Variants in NDUFAB1 observed in about 807,000 individuals in gnomAD.
NDUFAB1 encodes the protein acyl carrier protein, mitochondrial.
Under a neutral mutation model 16.1 loss-of-function variants are expected in NDUFAB1, and 5 were observed. That is an observed-to-expected ratio of 0.31 (90% confidence interval 0.16 to 0.65). The LOEUF (loss-of-function observed/expected upper bound fraction) is 0.65, where lower values mean the gene tolerates loss of function less well. Among genes scored for constraint, NDUFAB1 ranks in the 30% least tolerant of loss-of-function variants. NDUFAB1 has a pLI of 0.77. For missense variants in NDUFAB1, 187 were observed against 205.3 expected (o/e 0.91, Z 0.54); for synonymous variants, 85 against 78.4 (o/e 1.08, Z -0.44).
intron 3 of NDUFAB1, 23 bp from the exon 4 acceptor site, chr16:23,582,398 T>C: frequency 3.9e-6 from 6 of 1,526,502 alleles, no homozygotes; most frequent in South Asian, 1.3e-5. Context: ...TATACAACAA[T>C]GTGAGAGAGT....
At chr16:23,591,639 T>C (rs2142237799) in intron 1 of NDUFAB1, among the ~76,000 whole-genome samples, 1 of 152,278 alleles carries the variant, frequency 6.6e-6, no homozygotes, top group African/African-American at 2.4e-5. Context: ...TTGCAGAGAA[T>C]ACCCACAATT....
chr16:23,592,483 T>C (rs1281983293), intron 1 of NDUFAB1, among the ~76,000 whole-genome samples: 2 of 151,748 alleles, frequency 1.3e-5, no homozygotes, highest in East Asian at 1.9e-4. Context: ...TTAAGGGCCA[T>C]GGGAAGGGAC....
At chr16:23,585,941 GT>G (rs1966228941) in intron 2 of NDUFAB1, among the ~76,000 whole-genome samples, 1 of 152,016 alleles carries the variant, frequency 6.6e-6, no homozygotes, top group East Asian at 1.9e-4. Flanking sequence ...CTGTTTTTTG[GT>G]TTTTTGAGAA....
chr16:23,589,826 A>G (rs1416320021), intron 1 of NDUFAB1, among the ~76,000 whole-genome samples: 2 of 151,794 alleles, frequency 1.3e-5, no homozygotes, highest in Non-Finnish European at 2.9e-5. Flanking sequence ...ATCCCAGCTA[A>G]TCAGGAGGCT....
In NDUFAB1 at chr16:23,582,296, A is replaced by T. The variant is rs1326037351; in HGVS notation, c.459T>A (p.Asp153Glu). 1 of 1,557,338 alleles carries T rather than the reference A, an allele frequency of 6.4e-7. No individual in the cohort carries two copies. Among genetic ancestry groups the T allele is most frequent in the South Asian group, 1.2e-5 (1 of 81,356 alleles). ...EIVDYIADKK[D>E]VYE ...TTTACCTGATACTTTATTCATATAC[A>T]TCCTTCTTATCTGCAATGTAATCTA... is the stretch of plus-strand genomic sequence containing the variant. The change falls in exon 4 of 5, where the codon GAT (aspartate) becomes GAA (glutamate). Residue 153 changes from aspartate to glutamate, a missense_variant. Coordinates refer to ENST00000007516, the MANE Select transcript of NDUFAB1 (RefSeq NM_005003.3).
chr16:23,587,326 C>G lies in NDUFAB1; in HGVS notation c.169-7G>C, dbSNP rs748708210. 1.7e-5 allele frequency: 27 copies of G among 1,612,318 alleles called. No homozygotes were observed. Among genetic ancestry groups the G allele is most frequent in the Non-Finnish European group, 2.2e-5 (26 of 1,179,364 alleles). ...GTGTAACTCTACCAGGAACCTAGAG[C>G]GACGGCAGGAAGGAAACACTGTCAT... is the stretch of plus-strand genomic sequence containing the variant. On this transcript the variant is annotated splice_polypyrimidine_tract_variant and splice_region_variant and intron_variant, in intron 1 of 4. Coordinates refer to ENST00000007516, the MANE Select transcript of NDUFAB1 (RefSeq NM_005003.3).
chr16:23,590,303 G>A (rs1966268527), intron 1 of NDUFAB1, among the ~76,000 whole-genome samples: 1 of 152,220 alleles, frequency 6.6e-6, no homozygotes, highest in African/African-American at 2.4e-5. Flanking sequence ...CAAGAGCTCA[G>A]ACGCTGAAAC....
At chr16:23,585,256 A>G (rs1299015428) in intron 3 of NDUFAB1, 80 bp downstream of exon 3, 2 of 1,051,240 alleles carry the variant, frequency 1.9e-6, no homozygotes, top group African/African-American at 1.6e-5. Context: ...TCTAATTCCA[A>G]TTCAGACGCC....
intron 1 of NDUFAB1, 104 bp downstream of exon 1, chr16:23,596,019 G>A (rs2142241203): frequency 7.2e-7 from 1 of 1,382,770 alleles, no homozygotes; most frequent in East Asian, 2.6e-5. Flanking sequence ...TGCCCCCCGG[G>A]TCACCCCTGC....
Position 23,585,317 on chromosome 16 carries a change from A to G in NDUFAB1, c.379+19T>C, listed in dbSNP as rs1966223524. 6.4e-7 allele frequency: 1 copy of G among 1,572,000 alleles called. No homozygotes were observed. The highest frequency in any genetic ancestry group is 1.4e-5 in the African/African-American group (1 of 73,966). On this transcript the variant is annotated intron_variant, in intron 3 of 4. Transcript: ENST00000007516. Reference sequence around the variant, plus strand: ...CTTAATCAAAAATCGCAGTGTGTAGATAGAAGACTGAGCCTTACCAAATTC... The same window carrying G: ...CTTAATCAAAAATCGCAGTGTGTAGGTAGAAGACTGAGCCTTACCAAATTC...
chr16:23,587,138 C>T, intron 2 of NDUFAB1, 59 bp downstream of exon 2: 1 of 1,518,826 alleles, frequency 6.6e-7, no homozygotes, highest in African/African-American at 1.4e-5. Context: ...TTTGCATTTT[C>T]TAGCATGTAA....
intron 3 of NDUFAB1, among the ~76,000 whole-genome samples, chr16:23,582,751 A>C (rs1427866220): frequency 6.4e-5 from 9 of 139,736 alleles, no homozygotes; most frequent in Non-Finnish European, 8.0e-5. Context: ...CCCTCTTCCC[A>C]CGGTCTCCCT....
At chr16:23,583,435 T>C (rs1264114209) in intron 3 of NDUFAB1, among the ~76,000 whole-genome samples, 2 of 149,118 alleles carry the variant, frequency 1.3e-5, no homozygotes, top group Non-Finnish European at 3.0e-5. Flanking sequence ...CACCATCCCG[T>C]CTAGGAAGTG....
rs745773121 is a variant in NDUFAB1, at chr16:23,582,341, T to A, written c.414A>T (p.Leu138Phe). The A allele has an allele frequency of 4.4e-6, 7 of 1,582,078 alleles. No individual in the cohort carries two copies. The highest frequency in any genetic ancestry group is 6.0e-6 in the Non-Finnish European group (7 of 1,165,756). ...FEIPDIDAEK[L>F]MCPQEIVDYI... is the part of the protein sequence containing the mutation. ...AATCTACAATTTCTTGTGGACACAT[T>A]AACTTTTCAGCATCTATATCAGGAA... is the stretch of plus-strand genomic sequence containing the variant. The change falls in exon 4 of 5, where the codon TTA (leucine) becomes TTT (phenylalanine). Residue 138 changes from leucine (L) to phenylalanine (F), a missense_variant. By Grantham distance (22) the Leu-to-Phe change is conservative. Around this residue, in one of 3 missense-constraint regions of NDUFAB1, gnomAD observed 32 missense variants for 28.8 expected, o/e 1.11. Coordinates refer to ENST00000007516, the MANE Select transcript of NDUFAB1 (RefSeq NM_005003.3).
rs459894 is a variant in NDUFAB1 at position 23,590,167 on chromosome 16, A to T, written c.169-2848T>A. Among the ~76,000 whole-genome samples the T allele has an allele frequency of 6.6e-5, 10 of 152,206 alleles. No individual in the cohort carries two copies. The South Asian group carries it at 2.1e-3, about 32-fold the overall frequency. On this transcript the variant is annotated intron_variant, in intron 1 of 4. Transcript: ENST00000007516. ...TGTCAGCATTGTCCTCAGCAGCTCC[A>T]GCAAGTACCTACAAGGGCCAGGTGG...
intron 1 of NDUFAB1, among the ~76,000 whole-genome samples, chr16:23,590,636 C>CTCTATTTCT (rs138907008): frequency 9.4e-6 from 1 of 106,182 alleles, no homozygotes; most frequent in African/African-American, 4.0e-5. Flanking sequence ...TGCCTCTGGT[C>CTCTATTTCT]TCTTTTTTTT....
chr16:23,585,377 A>T lies in NDUFAB1; in HGVS notation c.338T>A (p.Leu113Ter), dbSNP rs1301663077. Residue 113 changes from leucine (L) to a stop codon, truncating the protein, a stop_gained, in exon 3 of 5, where the codon TTG becomes TAG. Coordinates refer to ENST00000007516, the MANE Select transcript of NDUFAB1 (RefSeq NM_005003.3). LOFTEE classifies it high-confidence loss of function. ...GGCCATGATAATCTCCACTTGGTCC[A>T]AACTGTCTAAGCCCAGGTCTTTCAT... is the stretch of plus-strand genomic sequence containing the variant. ...HFMKDLGLDS[L>*]DQVEIIMAME... The T allele has an allele frequency of 6.2e-7, 1 of 1,614,082 alleles. No homozygotes were observed. The highest frequency in any genetic ancestry group is 8.5e-7 in the Non-Finnish European group (1 of 1,179,906).
At chr16:23,586,183 C>T (rs1966231451) in intron 2 of NDUFAB1, among the ~76,000 whole-genome samples, 2 of 152,166 alleles carry the variant, frequency 1.3e-5, no homozygotes, top group African/African-American at 4.8e-5. Context: ...ACCTTGGCCT[C>T]CCAAAGTGCT....
intron 1 of NDUFAB1, among the ~76,000 whole-genome samples, chr16:23,593,944 G>A (rs1966300924): frequency 6.6e-6 from 1 of 151,314 alleles, no homozygotes; most frequent in African/African-American, 2.4e-5. Flanking sequence ...GCAGTGGCAC[G>A]ATCTCGGCTC....
Sources: allele counts gnomAD v4.1 joint callset (sites outside exome capture counted in the v4.1 genomes callset), GRCh38; gene constraint gnomAD v4.1.1; regional missense constraint gnomAD v4.1.1; transcripts MANE v1.5; gene names NCBI Gene and HGNC (gene_info 2026-07-23, HGNC 2026-07-21).